CHD7: variants seen among roughly 807,000 people sequenced by gnomAD.
CHD7 encodes the protein ATP-dependent chromatin remodeler CHD7.
Under a neutral mutation model 307.3 loss-of-function variants are expected in CHD7, and 24 were observed. The ratio of observed to expected loss-of-function variants is 0.08; its 90% CI spans 0.06 to 0.11. The LOEUF is 0.11. Among genes scored for constraint, CHD7 ranks in the 10% least tolerant of loss-of-function variants. The pLI, the probability that CHD7 is intolerant of heterozygous loss-of-function variation, is 1.00. For synonymous variants in CHD7, 1,363 were observed against 1,349.9 expected (o/e 1.01, Z -0.21); for missense variants, 3,106 against 3,727.1 (o/e 0.83, Z 4.34).
rs1274710467 is a variant in CHD7, at chr8:60,866,396, T to A, written c.*463T>A. 2 of 153,734 alleles carry A rather than the reference T, an allele frequency of 1.3e-5. No individual in the cohort carries two copies. Among genetic ancestry groups the A allele is most frequent in the African/African-American group, 4.8e-5 (2 of 41,460 alleles). 9.5% of individuals were successfully genotyped at this position (153,734 alleles called of 1,614,324 possible). ...TATCATACTTGCTCATTTGTTTCCCTTTTTGACTGTATGGGGGTTCCCACA... is the reference window on the plus strand; with the variant it reads ...TATCATACTTGCTCATTTGTTTCCCATTTTGACTGTATGGGGGTTCCCACA... On this transcript the variant is annotated 3_prime_UTR_variant, in exon 38 of 38. Transcript: ENST00000423902.
rs1271694347 is a variant in CHD7 at position 60,852,174 on chromosome 8, A to C, written c.5821A>C (p.Arg1941=). The C allele has an allele frequency of 6.2e-7, 1 of 1,613,928 alleles. No homozygotes were observed. Among genetic ancestry groups the C allele is most frequent in the South Asian group, 1.1e-5 (1 of 91,084 alleles). Residue 1941 remains arginine, a synonymous_variant, in exon 29 of 38, where the codon AGA becomes CGA. Transcript: ENST00000423902. ...GGCCCTAATGAAGACTGACCGGCGC[A>C]GACGGCGGCCTCGAGAGGAAGTGAG... is the stretch of plus-strand genomic sequence containing the variant. ...QEALMKTDRR[R]RRPREEVRAL...
intron 12 of CHD7, 25 bp downstream of exon 12, chr8:60,822,771 T>G: frequency 6.3e-7 from 1 of 1,584,006 alleles, no homozygotes. Context: ...GTTGTATTCT[T>G]TGTACTTACT....
At chr8:60,765,229 A>ACG (rs1563581294) in intron 2 of CHD7, among the ~76,000 whole-genome samples, 2 of 139,042 alleles carry the variant, frequency 1.4e-5, no homozygotes, top group Admixed American at 7.2e-5. Context: ...ACACACACAC[A>ACG]CGCACACGCA....
In CHD7 at chr8:60,738,112, T is replaced by C. The variant is rs78114455; in HGVS notation, c.-174-3147T>C. Among the ~76,000 whole-genome samples the C allele has an allele frequency of 5.9e-3, 894 of 152,376 alleles. 5 individuals are homozygous for C. The highest frequency in any genetic ancestry group is 0.01 in the Middle Eastern group (3 of 294). On this transcript the variant is annotated intron_variant, in intron 1 of 37. Transcript: ENST00000423902. ...TTGCTAATTTGTTATTTCTGTTTCT[T>C]CTTTTTAAATACTTTATGCTGTCCA...
intron 15 of CHD7, 124 bp downstream of exon 15, chr8:60,830,701 G>A (rs574542538): frequency 9.2e-7 from 1 of 1,084,292 alleles, no homozygotes; most frequent in Admixed American, 2.6e-5. Flanking sequence ...CTCAGCATGG[G>A]TTTCACCAGC....
chr8:60,862,024 A>G (rs1806001006), intron 35 of CHD7, 172 bp from the exon 36 acceptor site: 1 of 525,882 alleles, frequency 1.9e-6, no homozygotes, highest in South Asian at 3.4e-5. Flanking sequence ...GACGGGTAAA[A>G]TAGGAGTTTT....
chr8:60,688,781 A>G (rs1432095440), intron 1 of CHD7, among the ~76,000 whole-genome samples: 1 of 152,202 alleles, frequency 6.6e-6, no homozygotes, highest in Non-Finnish European at 1.5e-5. Flanking sequence ...CTAGATGATC[A>G]GTGGTGTAGG....
rs201056061 is a variant in CHD7 at position 60,816,113 on chromosome 8, GTCTCTCTCTCTCTCTCTC to G, written c.2499-250_2499-233del. Among the ~76,000 whole-genome samples the G allele has an allele frequency of 1.2e-3, 168 of 139,238 alleles. 1 individual carries two copies. Among genetic ancestry groups the G allele is most frequent in the Admixed American group, 2.6e-3 (36 of 14,060 alleles). 91.3% of individuals were successfully genotyped at this position (139,238 alleles called of 152,430 possible). On this transcript the variant is annotated intron_variant, in intron 7 of 37. Transcript: ENST00000423902. ...GTCTCTTTTGTCTGTCTGTCTGTCT[GTCTCTCTCTCTCTCTCTC>G]TCTCTCTCTCTCTCTCTCTCTCTGT... is the stretch of plus-strand genomic sequence containing the variant.
rs180889657 is a variant in CHD7 at position 60,700,280 on chromosome 8, C to T, written c.-175+21198C>T. ...TCTAACCATATTGGCTGCTTTTCAC[C>T]TTCACAAAATGTTAGAAGCTTACCA... On this transcript the variant is annotated intron_variant, in intron 1 of 37. Transcript: ENST00000423902. Among the ~76,000 whole-genome samples the T allele has an allele frequency of 6.4e-3, 979 of 152,232 alleles. 8 individuals are homozygous for T. The highest frequency in any genetic ancestry group is 0.011 in the Non-Finnish European group (758 of 68,016).
chr8:60,865,414 A>C lies in CHD7; in HGVS notation c.8475A>C (p.Gly2825=). The C allele has an allele frequency of 3.1e-6, 5 of 1,613,896 alleles. No individual in the cohort carries two copies. The highest frequency in any genetic ancestry group is 4.2e-6 in the Non-Finnish European group (5 of 1,179,876). ...ATAACCCTCTGTCAGCTGCTACTGG[A>C]AACACCACTACTGCTTCTAGTCAAG... The part of the protein sequence containing the change: ...LLNNPLSAAT[G]NTTTASSQGE... Residue 2825 remains glycine (G), a synonymous_variant, in exon 38 of 38, where the codon GGA becomes GGC. Transcript: ENST00000423902. This position sits in a 1 kb window ranked among gnomAD's most constrained non-coding sequence, Gnocchi z 4.3.
chr8:60,837,300 C>T (rs1229192898), intron 17 of CHD7, among the ~76,000 whole-genome samples: 1 of 152,132 alleles, frequency 6.6e-6, no homozygotes, highest in Admixed American at 6.5e-5. Context: ...GCTCAGGTCT[C>T]CTTAACAAAA....
intron 1 of CHD7, among the ~76,000 whole-genome samples, chr8:60,707,803 A>G (rs1586191376): frequency 6.6e-6 from 1 of 152,214 alleles, no homozygotes; most frequent in Non-Finnish European, 1.5e-5. Flanking sequence ...TTGCTGGACT[A>G]TATGGTAGCC....
intron 1 of CHD7, among the ~76,000 whole-genome samples, chr8:60,711,241 C>G (rs1386674655): frequency 6.6e-6 from 1 of 152,108 alleles, no homozygotes; most frequent in African/African-American, 2.4e-5. Context: ...TAATTATAGT[C>G]CCACATCACA....
chr8:60,694,095 G>C (rs1563520632), intron 1 of CHD7, among the ~76,000 whole-genome samples: 1 of 152,264 alleles, frequency 6.6e-6, no homozygotes, highest in East Asian at 1.9e-4. Flanking sequence ...TAAAGACAAG[G>C]AAGGAATTCA....
chr8:60,690,772 T>C (rs1806154955), intron 1 of CHD7, among the ~76,000 whole-genome samples: 1 of 152,218 alleles, frequency 6.6e-6, no homozygotes, highest in Non-Finnish European at 1.5e-5. Flanking sequence ...GTTGTTGTTT[T>C]ACTGTTGTCT....
intron 1 of CHD7, among the ~76,000 whole-genome samples, chr8:60,699,632 C>G (rs1454031564): frequency 1.3e-5 from 2 of 151,844 alleles, no homozygotes; most frequent in Non-Finnish European, 2.9e-5. Flanking sequence ...TAGAGCCTCT[C>G]AGTACTCTTG....
At chr8:60,792,068 ATAT>A (rs1427064059) in intron 3 of CHD7, among the ~76,000 whole-genome samples, 1 of 152,226 alleles carries the variant, frequency 6.6e-6, no homozygotes. Flanking sequence ...ACTGTATAAA[ATAT>A]TAACGTTATT....
intron 1 of CHD7, among the ~76,000 whole-genome samples, chr8:60,698,826 AC>A (rs1806621596): frequency 6.6e-6 from 1 of 152,050 alleles, no homozygotes; most frequent in Non-Finnish European, 1.5e-5. Flanking sequence ...TTGGTCTGTC[AC>A]CCAGGCTGGA....
chr8:60,843,944 C>G (rs1238058269), intron 21 of CHD7, among the ~76,000 whole-genome samples: 1 of 152,166 alleles, frequency 6.6e-6, no homozygotes, highest in Non-Finnish European at 1.5e-5. Flanking sequence ...TGACAAGAGA[C>G]CAAGTGAGAG....
Sources: gnomAD v4.1 joint callset for allele counts (sites outside exome capture counted in the v4.1 genomes callset) on GRCh38, gnomAD v4.1.1 for gene constraint, Gnocchi (gnomAD v3.1) non-coding constraint, MANE v1.5 for transcripts, NCBI Gene and HGNC (gene_info 2026-07-23, HGNC 2026-07-21) for gene names.